The following MAD1L1 variants were observed in gnomAD, a reference collection of about 807,000 sequenced individuals.
The protein encoded by MAD1L1 is mitotic spindle assembly checkpoint protein MAD1.
MAD1L1 carries 95 observed loss-of-function variants against 96.9 expected under a neutral mutation model. The ratio of observed to expected loss-of-function variants is 0.98; its 90% CI spans 0.83 to 1.16. The LOEUF (loss-of-function observed/expected upper bound fraction) is 1.16. Among genes scored for constraint, MAD1L1 ranks in the 50% most tolerant of loss-of-function variants. MAD1L1 has a pLI of 0.00. For missense variants in MAD1L1, 1,007 were observed against 954.4 expected (o/e 1.06, Z -0.73); for synonymous variants, 473 against 396.6 (o/e 1.19, Z -2.29).
At chr7:1,895,630 C>A (rs1483074614) in intron 18 of MAD1L1, among the ~76,000 whole-genome samples, 2 of 152,238 alleles carry the variant, frequency 1.3e-5, no homozygotes, top group Non-Finnish European at 2.9e-5. Context: ...AGCCAGCCCC[C>A]GGAACACGGC....
intron 15 of MAD1L1, among the ~76,000 whole-genome samples, chr7:1,971,377 A>G (rs1387612533): frequency 6.6e-6 from 1 of 152,232 alleles, no homozygotes; most frequent in Non-Finnish European, 1.5e-5. Context: ...CATGGCCAAC[A>G]GTTCACCTTC....
chr7:1,946,153 G>A (rs946487351), intron 16 of MAD1L1, among the ~76,000 whole-genome samples: 5 of 152,220 alleles, frequency 3.3e-5, no homozygotes, highest in Non-Finnish European at 5.9e-5. Flanking sequence ...CTGCCCATCC[G>A]CTCAGGGCCA....
chr7:2,074,387 G>A (rs946789260), intron 11 of MAD1L1, among the ~76,000 whole-genome samples: 1 of 152,170 alleles, frequency 6.6e-6, no homozygotes, highest in Non-Finnish European at 1.5e-5. Context: ...ACGGGGCAGA[G>A]GCTGACATCA....
intron 16 of MAD1L1, among the ~76,000 whole-genome samples, chr7:1,953,484 CATG>C (rs769353318): frequency 2.2e-4 from 33 of 152,334 alleles, no homozygotes; most frequent in Non-Finnish European, 3.7e-4. Context: ...AAACAAGCAC[CATG>C]ATGAGGCCAC....
At chr7:2,147,482 G>GTTC (rs1284147203) in intron 11 of MAD1L1, among the ~76,000 whole-genome samples, 11 of 152,252 alleles carry the variant, frequency 7.2e-5, no homozygotes, top group African/African-American at 9.6e-5. Context: ...GGAAACGCTT[G>GTTC]TGAGAACCCA....
chr7:1,872,079 A>G (rs1201390994), intron 18 of MAD1L1, among the ~76,000 whole-genome samples: 1 of 152,166 alleles, frequency 6.6e-6, no homozygotes, highest in Admixed American at 6.5e-5. Flanking sequence ...AGCCCAGTCC[A>G]GGCCCCAGGC....
chr7:2,121,172 G>A (rs1057478310), intron 11 of MAD1L1, among the ~76,000 whole-genome samples: 8 of 152,232 alleles, frequency 5.3e-5, no homozygotes, highest in African/African-American at 1.2e-4. Context: ...GGCCCTTCCC[G>A]CCTGAGGCCT....
At chr7:1,829,934 T>C (rs1489868543) in intron 18 of MAD1L1, among the ~76,000 whole-genome samples, 2 of 152,106 alleles carry the variant, frequency 1.3e-5, no homozygotes, top group Non-Finnish European at 2.9e-5. Context: ...CTCTGTAAAG[T>C]ACAGAAAGAC....
intron 15 of MAD1L1, among the ~76,000 whole-genome samples, chr7:1,965,481 G>A (rs1352763592): frequency 1.3e-5 from 2 of 152,184 alleles, no homozygotes; most frequent in African/African-American, 2.4e-5. Flanking sequence ...CCTCAACCTC[G>A]TGCCACCATC....
At chr7:2,008,599 C>T (rs1782142830) in intron 13 of MAD1L1, among the ~76,000 whole-genome samples, 2 of 152,318 alleles carry the variant, frequency 1.3e-5, no homozygotes, top group Non-Finnish European at 1.5e-5. Flanking sequence ...GCTGGGCTGA[C>T]GGCTGGGAAC....
intron 11 of MAD1L1, among the ~76,000 whole-genome samples, chr7:2,131,617 GCTGGAACATTCGTGC>G (rs1788513109): frequency 6.6e-6 from 1 of 152,232 alleles, no homozygotes; most frequent in Non-Finnish European, 1.5e-5. Flanking sequence ...TCACAAATGT[GCTGGAACATTCGTGC>G]CTGCACCAGC....
chr7:1,974,564 A>G (rs879081835), intron 15 of MAD1L1, among the ~76,000 whole-genome samples: 1 of 152,246 alleles, frequency 6.6e-6, no homozygotes, highest in Admixed American at 6.5e-5. Flanking sequence ...AACAAATAAA[A>G]TAAGAACAGG....
At position 1,957,694 on chromosome 7, in the gene MAD1L1, C is replaced by A; in HGVS notation, c.1531G>T (p.Glu511Ter). 6.2e-7 allele frequency: 1 copy of A among 1,614,150 alleles called. No individual in the cohort carries two copies. The highest frequency in any genetic ancestry group is 8.5e-7 in the Non-Finnish European group (1 of 1,180,038). Reference protein sequence around the residue: ...LRLKVEELEGERSRLEEEKRM... With the variant: ...LRLKVEELEG ...TTTTCCTCCTCCAGCCGACTCCGCT[C>A]GCCTTCCAGCTCCTCGACCTTCAAC... Residue 511 changes from glutamate (E) to a stop codon, truncating the protein, a stop_gained, in exon 16 of 19, where the codon GAG becomes TAG. Coordinates refer to ENST00000265854, the MANE Select transcript of MAD1L1 (RefSeq NM_001013836.2). LOFTEE classifies it high-confidence loss of function.
intron 10 of MAD1L1, among the ~76,000 whole-genome samples, chr7:2,180,326 G>A (rs994555835): frequency 4.6e-5 from 7 of 152,212 alleles, no homozygotes; most frequent in African/African-American, 1.2e-4. Context: ...AGCGTGCACC[G>A]GAGCTCCTCA....
At chr7:1,827,179 A>G (rs925737093) in intron 18 of MAD1L1, among the ~76,000 whole-genome samples, 9 of 152,200 alleles carry the variant, frequency 5.9e-5, no homozygotes, top group African/African-American at 1.9e-4. Flanking sequence ...CACAGGGATG[A>G]GTTAGAGGAG....
intron 11 of MAD1L1, among the ~76,000 whole-genome samples, chr7:2,148,905 C>T (rs1052758634): frequency 6.6e-6 from 1 of 152,220 alleles, no homozygotes; most frequent in African/African-American, 2.4e-5. Flanking sequence ...CCCCCAGACC[C>T]CATGGCAGTT....
intron 10 of MAD1L1, among the ~76,000 whole-genome samples, chr7:2,163,653 G>A (rs901439378): frequency 6.6e-6 from 1 of 152,140 alleles, no homozygotes; most frequent in Non-Finnish European, 1.5e-5. Context: ...GATTACAGGC[G>A]TGAGCCACAG....
chr7:2,111,661 G>A (rs908331804), intron 11 of MAD1L1, among the ~76,000 whole-genome samples: 1 of 152,230 alleles, frequency 6.6e-6, no homozygotes, highest in Admixed American at 6.5e-5. Context: ...GCAACTGTCT[G>A]ACGCCAGGTT....
intron 10 of MAD1L1, 80 bp downstream of exon 10, chr7:2,213,132 G>T: frequency 6.8e-7 from 1 of 1,475,160 alleles, no homozygotes; most frequent in Non-Finnish European, 9.5e-7. Context: ...GACTGCGCTG[G>T]TGAGCCGGAA....
Sources: allele counts gnomAD v4.1 joint callset (sites outside exome capture counted in the v4.1 genomes callset), GRCh38; gene constraint gnomAD v4.1.1; transcripts MANE v1.5; gene names NCBI Gene and HGNC (gene_info 2026-07-23, HGNC 2026-07-21).